Variants in SUCLG2 observed in about 807,000 individuals in gnomAD.
SUCLG2 encodes the protein succinate--CoA ligase [GDP-forming] subunit beta, mitochondrial.
A neutral mutation model predicts 47.9 loss-of-function variants in SUCLG2; 42 were observed. The observed-to-expected ratio is 0.88, with a 90% CI of 0.69 to 1.14. The LOEUF is 1.14. Ranked by LOEUF, SUCLG2 falls within the 50% of genes most tolerant of loss-of-function variation. The probability of loss-of-function intolerance (pLI) is 0.00; values close to 1 mark genes in which losing one functional copy is unlikely to be tolerated. For missense variants in SUCLG2, 571 were observed against 525.9 expected (o/e 1.09, Z -0.84); for synonymous variants, 195 against 197.3 (o/e 0.99, Z 0.10).
At chr3:67,369,655 T>C (rs1701925819) in intron 10 of SUCLG2, among the ~76,000 whole-genome samples, 1 of 152,234 alleles carries the variant, frequency 6.6e-6, no homozygotes, top group Admixed American at 6.5e-5. Flanking sequence ...CTGTCTCCTC[T>C]GTGATTTTGC....
At chr3:67,444,040 G>A (rs1444839844) in intron 9 of SUCLG2, among the ~76,000 whole-genome samples, 244 of 117,576 alleles carry the variant, frequency 2.1e-3, no homozygotes, top group African/African-American at 6.5e-3. Context: ...CTGGCCAGCC[G>A]CCCCGTCCGG....
At chr3:67,638,411 TG>T (rs1352252258) in intron 1 of SUCLG2, among the ~76,000 whole-genome samples, 1 of 152,154 alleles carries the variant, frequency 6.6e-6, no homozygotes, top group East Asian at 1.9e-4. Context: ...TAGCTACACT[TG>T]GCATTTCACC....
chr3:67,507,585 G>A (rs923633433), intron 7 of SUCLG2, among the ~76,000 whole-genome samples: 3 of 151,290 alleles, frequency 2.0e-5, no homozygotes, highest in East Asian at 3.9e-4. Context: ...GCCCAGATCC[G>A]TAGCCAAAAC....
At chr3:67,557,333 G>T (rs1433638290) in intron 2 of SUCLG2, among the ~76,000 whole-genome samples, 5 of 152,160 alleles carry the variant, frequency 3.3e-5, no homozygotes, top group Non-Finnish European at 7.4e-5. Context: ...CTAATGAAGA[G>T]AATAACCTTT....
intron 9 of SUCLG2, among the ~76,000 whole-genome samples, chr3:67,451,669 T>G (rs1704060046): frequency 6.6e-6 from 1 of 151,676 alleles, no homozygotes; most frequent in Non-Finnish European, 1.5e-5. Flanking sequence ...TTTTTACTTC[T>G]GGTGGGGGTG....
At position 67,375,554 on chromosome 3, in the gene SUCLG2, A is replaced by C. The variant is rs190389253; in HGVS notation, c.*190T>G. ...GAGAACACAAGATATTATTTTTATA[A>C]AGACCAAAATCAGATTTAGGCTGTC... On this transcript the variant is annotated 3_prime_UTR_variant, in exon 11 of 11. Transcript: ENST00000307227. The C allele has an allele frequency of 3.5e-4, 480 of 1,377,278 alleles. 2 individuals are homozygous for C. In the African/African-American group the frequency reaches 6.4e-3, roughly 18 times the overall value. 85.3% of individuals were successfully genotyped at this position (1,377,278 alleles called of 1,614,324 possible). A position where few individuals can be genotyped will look rare whatever the true frequency, so the allele number is the denominator to read the frequency against.
At chr3:67,427,322 C>CA (rs1385833929) in intron 9 of SUCLG2, among the ~76,000 whole-genome samples, 1 of 152,132 alleles carries the variant, frequency 6.6e-6, no homozygotes, top group Non-Finnish European at 1.5e-5. Flanking sequence ...GAAACCAGGT[C>CA]AGCAACTGAA....
At chr3:67,552,565 G>A (rs192375264) in intron 2 of SUCLG2, among the ~76,000 whole-genome samples, 4 of 152,310 alleles carry the variant, frequency 2.6e-5, no homozygotes, top group East Asian at 3.9e-4. Context: ...ATAGGAATAC[G>A]AGAACGTGGA....
At chr3:67,452,999 C>T (rs1449120746) in intron 9 of SUCLG2, among the ~76,000 whole-genome samples, 2 of 152,014 alleles carry the variant, frequency 1.3e-5, no homozygotes, top group Non-Finnish European at 1.5e-5. Context: ...CTAAAGTAGA[C>T]CTTCCCATTC....
chr3:67,584,626 T>C (rs1315605618), intron 2 of SUCLG2, among the ~76,000 whole-genome samples: 2 of 152,202 alleles, frequency 1.3e-5, no homozygotes, highest in Non-Finnish European at 2.9e-5. Flanking sequence ...GTCCATATAA[T>C]TGAATACTCT....
chr3:67,399,518 G>A (rs1256407627), intron 10 of SUCLG2, among the ~76,000 whole-genome samples: 1 of 152,206 alleles, frequency 6.6e-6, no homozygotes, highest in Non-Finnish European at 1.5e-5. Context: ...GCACTATAAA[G>A]TCAAATTCAA....
At chr3:67,477,225 G>A (rs1047762656) in intron 9 of SUCLG2, among the ~76,000 whole-genome samples, 3 of 152,086 alleles carry the variant, frequency 2.0e-5, no homozygotes, top group African/African-American at 7.2e-5. Flanking sequence ...TAATTGCTCT[G>A]GAGTAAGGTC....
chr3:67,488,061 T>C (rs1264337968), intron 9 of SUCLG2, among the ~76,000 whole-genome samples: 1 of 151,946 alleles, frequency 6.6e-6, no homozygotes, highest in Admixed American at 6.6e-5. Context: ...GACTATATAA[T>C]ATTGTCAATT....
At chr3:67,540,462 G>A (rs770749847) in intron 2 of SUCLG2, among the ~76,000 whole-genome samples, 4 of 152,192 alleles carry the variant, frequency 2.6e-5, no homozygotes, top group East Asian at 3.9e-4. Context: ...CCACCGCAGC[G>A]TGGCAAAGTC....
chr3:67,485,074 A>G (rs1389389853), intron 9 of SUCLG2, among the ~76,000 whole-genome samples: 1 of 152,198 alleles, frequency 6.6e-6, no homozygotes, highest in African/African-American at 2.4e-5. Context: ...TTAAACTGAA[A>G]AACTCGGAAG....
intron 1 of SUCLG2, among the ~76,000 whole-genome samples, chr3:67,620,272 T>C (rs1358399477): frequency 6.6e-6 from 1 of 151,910 alleles, no homozygotes; most frequent in African/African-American, 2.4e-5. Context: ...CAGCAAATGC[T>C]ATGAGGGAAA....
At chr3:67,624,618 C>A (rs1035824833) in intron 1 of SUCLG2, among the ~76,000 whole-genome samples, 1 of 152,152 alleles carries the variant, frequency 6.6e-6, no homozygotes, top group Non-Finnish European at 1.5e-5. Context: ...CCAAATTTTT[C>A]CATCTATGTT....
At chr3:67,409,182 T>TGGGGCGGGGTCATGAAGGTACA in intron 9 of SUCLG2, 1 of 828,662 alleles carries the variant, frequency 1.2e-6, no homozygotes, top group East Asian at 2.7e-5. Context: ...TAGATGGGGC[T>TGGGGCGGGGTCATGAAGGTACA]GGGGAGGGGT....
intron 2 of SUCLG2, among the ~76,000 whole-genome samples, chr3:67,589,463 T>C (rs984302357): frequency 6.6e-6 from 1 of 152,198 alleles, no homozygotes; most frequent in Non-Finnish European, 1.5e-5. Context: ...GTGATTGAAG[T>C]GGCCAAACAA....
Sources: allele counts gnomAD v4.1 joint callset (sites outside exome capture counted in the v4.1 genomes callset), GRCh38; gene constraint gnomAD v4.1.1; transcripts MANE v1.5; gene names NCBI Gene and HGNC (gene_info 2026-07-23, HGNC 2026-07-21).